KMT2E: variants seen among roughly 807,000 people sequenced by gnomAD.
KMT2E encodes lysine methyltransferase 2E (inactive), also known as histone reader KMT2E.
Under a neutral mutation model 184.6 loss-of-function variants are expected in KMT2E, and 30 were observed. The observed-to-expected ratio is 0.16, with a 90% CI of 0.12 to 0.22. KMT2E has a LOEUF of 0.22. KMT2E is among the 10% of genes least tolerant of loss of function. KMT2E has a pLI of 1.00. For synonymous variants in KMT2E, 815 were observed against 776.5 expected, an observed-to-expected ratio of 1.05 and a Z score of -0.82; for missense variants, 2,023 against 2,237.4, an observed-to-expected ratio of 0.90 and a Z score of 1.93.
At chr7:105,029,463 A>G (rs890140102) in intron 1 of KMT2E, among the ~76,000 whole-genome samples, 5 of 152,252 alleles carry the variant, frequency 3.3e-5, no homozygotes, top group African/African-American at 1.2e-4. Flanking sequence ...TGCTTAAACA[A>G]TACTAAGAAT....
Position 105,095,842 on chromosome 7 carries a change from T to TCTA in KMT2E, c.1722+4528_1722+4529insCTA, listed in dbSNP as rs538492527. On this transcript the variant is annotated intron_variant, in intron 15 of 26. Transcript: ENST00000311117. The stretch of plus-strand genomic sequence containing the variant: ...GTATATTTGTGGAGGTGGGGCTAGA[T>TCTA]GGCTGTAATCTTCTCATATAAACAG... Among the ~76,000 whole-genome samples, 979 of 152,276 alleles carry TCTA rather than the reference T, an allele frequency of 6.4e-3. 4 individuals carry two copies. The highest frequency in any genetic ancestry group is 8.6e-3 in the African/African-American group (358 of 41,566).
At chr7:105,036,328 C>T (rs1377388678) in intron 1 of KMT2E, among the ~76,000 whole-genome samples, 6 of 151,766 alleles carry the variant, frequency 4.0e-5, no homozygotes, top group Non-Finnish European at 1.5e-5. Flanking sequence ...GTATCCACAC[C>T]CAGCTAATTT....
At chr7:105,029,083 A>G (rs1795292248) in intron 1 of KMT2E, among the ~76,000 whole-genome samples, 1 of 151,912 alleles carries the variant, frequency 6.6e-6, no homozygotes, top group African/African-American at 2.4e-5. Context: ...TGGCCAACAT[A>G]GGGAAACCCC....
rs1584681372 is a variant in KMT2E at position 105,018,625 on chromosome 7, G to T, written c.-189+4090G>T. ...AATATTGAAAATATAATTATTTTAT[G>T]GTAAAATTAATTTTTATGTTGACTG... On this transcript the variant is annotated intron_variant, in intron 1 of 26. Coordinates refer to ENST00000311117, the MANE Select transcript of KMT2E (RefSeq NM_182931.3). 2.6e-5 allele frequency among the ~76,000 whole-genome samples: 4 copies of T among 152,022 alleles called. No homozygotes were observed. The East Asian group carries it at 7.7e-4, about 29-fold the overall frequency.
intron 8 of KMT2E, 70 bp from the exon 9 acceptor site, chr7:105,075,973 C>CA: frequency 8.2e-7 from 1 of 1,212,640 alleles, no homozygotes; most frequent in Non-Finnish European, 1.2e-6. Flanking sequence ...TTCAATGAAC[C>CA]AATTAATTCT....
rs1410215416 is a variant in KMT2E, at chr7:105,109,072, C to T, written c.3599C>T (p.Ala1200Val). 6.2e-7 allele frequency: 1 copy of T among 1,614,146 alleles called. No homozygotes were observed. Among genetic ancestry groups the T allele is most frequent in the East Asian group, 2.2e-5 (1 of 44,876 alleles). Residue 1200 changes from alanine to valine, a missense_variant, in exon 23 of 27, where the codon GCC becomes GTC. Transcript: ENST00000311117. Reference protein sequence around the residue: ...GSLSNNGDGCASSNDNGEQVD... With the variant: ...GSLSNNGDGCVSSNDNGEQVD... ...TTGAGCAACAATGGTGATGGCTGTGCCAGCAGTAATGACAATGGGGAGCAG... is the reference window on the plus strand; with the variant it reads ...TTGAGCAACAATGGTGATGGCTGTGTCAGCAGTAATGACAATGGGGAGCAG...
chr7:105,074,839 T>G lies in KMT2E; in HGVS notation c.729+24T>G, dbSNP rs1415476575. On this transcript the variant is annotated intron_variant, in intron 8 of 26. Transcript: ENST00000311117. ...AGGTACGTTTTTGCTTGTTTTTAGGTGAGTGGATAGGATAGCGGATAGGGA... is the reference window on the plus strand; with the variant it reads ...AGGTACGTTTTTGCTTGTTTTTAGGGGAGTGGATAGGATAGCGGATAGGGA... The G allele has an allele frequency of 2.5e-6, 4 of 1,573,120 alleles. No individual in the cohort carries two copies. In the South Asian group the frequency reaches 4.7e-5, roughly 19 times the overall value.
At position 105,071,600 on chromosome 7, in the gene KMT2E, ATATATATATTTT is replaced by A. The variant is rs1259231063; in HGVS notation, c.498-2017_498-2006del. On this transcript the variant is annotated intron_variant, in intron 6 of 26. Transcript: ENST00000311117. ...TGTGTGTGTATATATATATATATATATATATATATTTTTTTTTTTTTTTTTTTTTTTTTTTTA... is the reference window on the plus strand; with the variant it reads ...TGTGTGTGTATATATATATATATATATTTTTTTTTTTTTTTTTTTTTTTTA... Among the ~76,000 whole-genome samples, 4 of 66,114 alleles carry A rather than the reference ATATATATATTTT, an allele frequency of 6.1e-5. No individual in the cohort carries two copies. In the East Asian group the frequency reaches 1.4e-3, roughly 23 times the overall value. The allele number at this position is 66,114 out of a possible 152,430, so 43.4% of individuals were successfully genotyped here.
intron 9 of KMT2E, among the ~76,000 whole-genome samples, 195 bp from the exon 10 acceptor site, chr7:105,076,768 C>T (rs1797541396): frequency 1.3e-5 from 2 of 152,120 alleles, no homozygotes; most frequent in Non-Finnish European, 2.9e-5. Flanking sequence ...TACAGTGTAT[C>T]TTTTGTCCCT....
chr7:105,078,382 G>T (rs1206803954), intron 11 of KMT2E, among the ~76,000 whole-genome samples: 1 of 152,290 alleles, frequency 6.6e-6, no homozygotes, highest in Middle Eastern at 3.4e-3. Context: ...TGTGGAGTCA[G>T]ACTGCCTATA....
At chr7:105,022,903 C>A (rs1795012444) in intron 1 of KMT2E, among the ~76,000 whole-genome samples, 1 of 151,806 alleles carries the variant, frequency 6.6e-6, no homozygotes, top group Admixed American at 6.6e-5. Context: ...CTTTTTAAAT[C>A]ACAACAAATA....
chr7:105,032,342 G>A (rs1795457667), intron 1 of KMT2E, among the ~76,000 whole-genome samples: 1 of 152,108 alleles, frequency 6.6e-6, no homozygotes, highest in Non-Finnish European at 1.5e-5. Flanking sequence ...TTCTTGGGAA[G>A]CTGAGGCAGG....
At position 105,114,540 on chromosome 7, in the gene KMT2E, A is replaced by G. The variant is rs182827625; in HGVS notation, c.*1207A>G. 1.2e-3 allele frequency among the ~76,000 whole-genome samples: 181 copies of G among 152,308 alleles called. No homozygotes were observed. Among genetic ancestry groups the G allele is most frequent in the African/African-American group, 4.1e-3 (169 of 41,570 alleles). The stretch of plus-strand genomic sequence containing the variant: ...AATGCTAGTTAGTTATTAATTATTA[A>G]TCTTCAAAAAATTAAAAATTTCCCA... On this transcript the variant is annotated 3_prime_UTR_variant, in exon 27 of 27. Transcript: ENST00000311117.
At chr7:105,043,980 C>T (rs971748362) in intron 3 of KMT2E, among the ~76,000 whole-genome samples, 1 of 152,092 alleles carries the variant, frequency 6.6e-6, no homozygotes, top group Non-Finnish European at 1.5e-5. Context: ...TGCCTGTAGT[C>T]CCAGCTACTT....
intron 3 of KMT2E, among the ~76,000 whole-genome samples, chr7:105,050,663 TTTTTTCTTTC>T (rs1186617193): frequency 6.8e-6 from 1 of 147,832 alleles, no homozygotes; most frequent in Non-Finnish European, 1.5e-5. Context: ...TCTTTCTTTC[TTTTTTCTTTC>T]TTTCTTTCTT....
At chr7:105,051,929 C>T (rs1434461317) in intron 3 of KMT2E, among the ~76,000 whole-genome samples, 1 of 152,180 alleles carries the variant, frequency 6.6e-6, no homozygotes, top group African/African-American at 2.4e-5. Flanking sequence ...TCCATTTCTA[C>T]TGTTGTCCTC....
chr7:105,020,345 C>T (rs1442241043), intron 1 of KMT2E, among the ~76,000 whole-genome samples: 1 of 152,044 alleles, frequency 6.6e-6, no homozygotes, highest in African/African-American at 2.4e-5. Flanking sequence ...AATCCCAGCA[C>T]TTTGGGAGGC....
rs756740958 is a variant in KMT2E, at chr7:105,078,876, A to G, written c.1161A>G (p.Lys387=). 1.8e-5 allele frequency: 29 copies of G among 1,606,034 alleles called. No individual in the cohort carries two copies. The highest frequency in any genetic ancestry group is 3.3e-5 in the Admixed American group (2 of 59,878). ...ACCCTTTTGTGTTATTCTACTCTAA[A>G]TTTCATGGGCTAGAAATGTGTGTTG... ...RPYPFVLFYS[K]FHGLEMCVDA... The change falls in exon 12 of 27, where the codon AAA becomes AAG. Residue 387 remains lysine (K), a synonymous_variant. Transcript: ENST00000311117.
intron 8 of KMT2E, among the ~76,000 whole-genome samples, chr7:105,075,274 A>T (rs760136381): frequency 6.7e-6 from 1 of 149,376 alleles, no homozygotes; most frequent in Non-Finnish European, 1.5e-5. Context: ...TGCTAGCTGT[A>T]GGTTTGTATT....
Sources: gnomAD v4.1 joint callset for allele counts (sites outside exome capture counted in the v4.1 genomes callset) on GRCh38, gnomAD v4.1.1 for gene constraint, MANE v1.5 for transcripts, NCBI Gene and HGNC (gene_info 2026-07-23, HGNC 2026-07-21) for gene names.